SPEG: variants seen among roughly 807,000 people sequenced by gnomAD.
SPEG encodes the protein striated muscle enriched protein kinase, also known as striated muscle preferentially expressed protein kinase.
Under a neutral mutation model 300.4 loss-of-function variants are expected in SPEG, and 114 were observed. The observed-to-expected ratio is 0.38, with a 90% CI of 0.33 to 0.44. SPEG has a LOEUF of 0.44. Ranked by LOEUF, SPEG falls within the 20% of genes least tolerant of loss-of-function variation. The pLI, the probability that SPEG is intolerant of heterozygous loss-of-function variation, is 1.00. For missense variants in SPEG, 4,201 were observed against 4,586.2 expected (o/e 0.92, Z 2.43); for synonymous variants, 1,964 against 2,018.9 (o/e 0.97, Z 0.73).
In SPEG at chr2:219,448,547, G is replaced by A; in HGVS notation, c.1389G>A (p.Val463=). 1 of 1,444,754 alleles carries A rather than the reference G, an allele frequency of 6.9e-7. No homozygotes were observed. The highest frequency in any genetic ancestry group is 1.4e-5 in the South Asian group (1 of 71,762). 89.5% of individuals were successfully genotyped at this position (1,444,754 alleles called of 1,614,324 possible). A position where few individuals can be genotyped will look rare whatever the true frequency, so the allele number is the denominator to read the frequency against. The change falls in exon 4 of 41, where the codon GTG becomes GTA. Residue 463 remains valine, a synonymous_variant. Transcript: ENST00000312358. ...SQEELRAPGS[V]AERRRLFQQK... ...AAGAACTGCGGGCGCCAGGCAGCGT[G>A]GCCGAGCGGCGCCGCCTGTTCCAGC...
intron 11 of SPEG, 42 bp downstream of exon 11, chr2:219,468,778 G>GC: frequency 6.2e-7 from 1 of 1,610,768 alleles, no homozygotes; most frequent in Non-Finnish European, 8.5e-7. Context: ...CCCCCCAAGG[G>GC]CCCAGGCGGC....
chr2:219,449,180 G>A lies in SPEG; in HGVS notation c.2022G>A (p.Pro674=). 3 of 1,395,302 alleles carry A rather than the reference G, an allele frequency of 2.2e-6. No individual in the cohort carries two copies. Among genetic ancestry groups the A allele is most frequent in the South Asian group, 1.6e-5 (1 of 60,902 alleles). The allele number at this position is 1,395,302 out of a possible 1,614,324, so 86.4% of individuals were successfully genotyped here. ...CAGAGAAGAGGCTTCGCAGAGGGCC[G>A]GAGGAGGACGGTCCCTGGGGGCCCT... is the stretch of plus-strand genomic sequence containing the variant. ...PEAEKRLRRG[P]EEDGPWGPWD... The change falls in exon 4 of 41, where the codon CCG becomes CCA. Residue 674 remains proline, a synonymous_variant. Coordinates refer to ENST00000312358, the MANE Select transcript of SPEG (RefSeq NM_005876.5).
Position 219,448,918 on chromosome 2 carries a change from A to G in SPEG, c.1760A>G (p.Gln587Arg), listed in dbSNP as rs1575058829. Residue 587 changes from glutamine (Q) to arginine (R), a missense_variant, in exon 4 of 41, where the codon CAG becomes CGG. This residue lies in a region of SPEG where 1,258 missense variants were observed against 1,293.9 expected (regional missense o/e 0.97). Coordinates refer to ENST00000312358, the MANE Select transcript of SPEG (RefSeq NM_005876.5). The stretch of plus-strand genomic sequence containing the variant: ...AGGACAGAGCCGGGGGAAGGCCCGC[A>G]GCAGGAGGTTAGGCGTCGGGACCAA... ...AGRTEPGEGP[Q>R]QEVRRRDQFP... 7 of 1,475,904 alleles carry G rather than the reference A, an allele frequency of 4.7e-6. No individual in the cohort carries two copies. Among genetic ancestry groups the G allele is most frequent in the Non-Finnish European group, 5.4e-6 (6 of 1,118,780 alleles). 91.4% of individuals were successfully genotyped at this position (1,475,904 alleles called of 1,614,324 possible). A position where few individuals can be genotyped will look rare whatever the true frequency, so the allele number is the denominator to read the frequency against.
Position 219,485,364 on chromosome 2 carries a change from G to C in SPEG, c.7628G>C (p.Ser2543Thr), listed in dbSNP as rs549990640. The change falls in exon 31 of 41, where the codon AGC becomes ACC. Residue 2543 changes from serine to threonine, a missense_variant. By Grantham distance (58) the Ser-to-Thr change is moderately conservative (BLOSUM62 1). Around this residue, in one of 4 missense-constraint regions of SPEG, gnomAD observed 1,578 missense variants for 1,506.0 expected, o/e 1.05. Transcript: ENST00000312358. Reference sequence around the variant, plus strand: ...TTCACAGCCCCAGGGGAAAGCCGAAGCCGGCTCCGCTGGGGCTTCTCTCGG... The same window carrying C: ...TTCACAGCCCCAGGGGAAAGCCGAACCCGGCTCCGCTGGGGCTTCTCTCGG... The part of the protein sequence containing the change: ...SGSSAPGESR[S>T]RLRWGFSRPR... 1.2e-6 allele frequency: 2 copies of C among 1,606,690 alleles called. No homozygotes were observed. The highest frequency in any genetic ancestry group is 2.2e-5 in the South Asian group (2 of 90,372).
intron 1 of SPEG, among the ~76,000 whole-genome samples, 177 bp downstream of exon 1, chr2:219,435,542 G>A (rs928958110): frequency 3.9e-5 from 6 of 152,352 alleles, no homozygotes; most frequent in Non-Finnish European, 8.8e-5. Context: ...TGCAGGGAAT[G>A]GGGTGTCAAG....
Position 219,434,950 on chromosome 2 carries a change from C to A in SPEG, c.-28C>A. Reference sequence around the variant, plus strand: ...TGCCCCCGTGGCCGCCCAGTTCCGGCGTCCCCCCAGCCCAGCTCTCAGTGG... The same window carrying A: ...TGCCCCCGTGGCCGCCCAGTTCCGGAGTCCCCCCAGCCCAGCTCTCAGTGG... On this transcript the variant is annotated 5_prime_UTR_variant, in exon 1 of 41. Transcript: ENST00000312358. 6.8e-7 allele frequency: 1 copy of A among 1,475,604 alleles called. No homozygotes were observed. Among genetic ancestry groups the A allele is most frequent in the Non-Finnish European group, 8.9e-7 (1 of 1,122,246 alleles). The allele number at this position is 1,475,604 out of a possible 1,614,324, so 91.4% of individuals were successfully genotyped here.
At chr2:219,466,486 G>C in intron 9 of SPEG, 1 of 1,150,530 alleles carries the variant, frequency 8.7e-7, no homozygotes, top group Non-Finnish European at 1.1e-6. Flanking sequence ...GTGAGACAGA[G>C]TGGGAGAGAT....
intron 1 of SPEG, chr2:219,441,451 C>G (rs1345901695): frequency 4.3e-6 from 2 of 464,530 alleles, no homozygotes; most frequent in Non-Finnish European, 8.8e-6. Context: ...GGACCCTTGC[C>G]CTGCGTTTGA....
intron 4 of SPEG, chr2:219,450,895 G>C (rs1689693373): frequency 2.4e-6 from 1 of 423,880 alleles, no homozygotes. Flanking sequence ...TGAAGTTGAG[G>C]AACGGCCACA....
chr2:219,466,731 G>C, intron 9 of SPEG: 1 of 1,003,988 alleles, frequency 1.0e-6, no homozygotes, highest in Non-Finnish European at 1.2e-6. Flanking sequence ...GTCAGGGCTG[G>C]GGTGCTCTGT....
chr2:219,477,592 G>A lies in SPEG; in HGVS notation c.4730-97G>A. ...CCCGCCTTGAGCCCCCAACATTCTT[G>A]CACCTCTTCTCTCTTCTTCTTCTGT... On this transcript the variant is annotated intron_variant, in intron 20 of 40. Transcript: ENST00000312358. This position sits in a 1 kb window ranked among gnomAD's most constrained non-coding sequence, Gnocchi z 6.4. 1 of 1,380,362 alleles carries A rather than the reference G, an allele frequency of 7.2e-7. No homozygotes were observed. Among genetic ancestry groups the A allele is most frequent in the Non-Finnish European group, 9.9e-7 (1 of 1,012,898 alleles). 85.5% of individuals were successfully genotyped at this position (1,380,362 alleles called of 1,614,324 possible).
Position 219,489,416 on chromosome 2 carries a change from C to T in SPEG, c.8398C>T (p.Pro2800Ser), listed in dbSNP as rs776744750. ...RPARARPPDSPTSLAPPLAPA... is the reference protein window; with the variant it reads ...RPARARPPDSSTSLAPPLAPA... ...AGCCAGGGCCCGGCCTCCTGACTCT[C>T]CTACCTCACTGGCCCCACCCCTAGC... is the stretch of plus-strand genomic sequence containing the variant. Residue 2800 changes from proline to serine, a missense_variant, in exon 36 of 41, where the codon CCT (proline) becomes TCT (serine). Pro to Ser is a moderately conservative substitution (Grantham distance 74, BLOSUM62 -1). Transcript: ENST00000312358. The T allele has an allele frequency of 5.6e-6, 9 of 1,613,450 alleles. No individual in the cohort carries two copies. Among genetic ancestry groups the T allele is most frequent in the Non-Finnish European group, 7.6e-6 (9 of 1,179,752 alleles).
intron 18 of SPEG, among the ~76,000 whole-genome samples, chr2:219,474,653 A>T (rs1375557470): frequency 1.3e-5 from 2 of 152,200 alleles, no homozygotes; most frequent in Non-Finnish European, 2.9e-5. Context: ...CTCAGATATA[A>T]CAAACATGGG....
In SPEG at chr2:219,488,604, T is replaced by C. The variant is rs1693663110; in HGVS notation, c.7965T>C (p.Tyr2655=). ...PRAGKRHAGL[Y]ECSATNVLGS... ...CGGGCAAGCGGCACGCCGGTCTCTA[T>C]GAGTGCTCGGCCACCAACGTACTGG... The change falls in exon 33 of 41, where the codon TAT becomes TAC. Residue 2655 remains tyrosine, a synonymous_variant. Transcript: ENST00000312358. 2 of 1,612,256 alleles carry C rather than the reference T, an allele frequency of 1.2e-6. No homozygotes were observed. Among genetic ancestry groups the C allele is most frequent in the East Asian group, 4.5e-5 (2 of 44,850 alleles).
chr2:219,445,461 T>G lies in SPEG; in HGVS notation c.815+300T>G. On this transcript the variant is annotated intron_variant, in intron 3 of 40. Coordinates refer to ENST00000312358, the MANE Select transcript of SPEG (RefSeq NM_005876.5). This position sits in a 1 kb window ranked among gnomAD's most constrained non-coding sequence, Gnocchi z 6.1. ...CTCCAGTTTCTCAGGGGCCCTCTTTTGCCTCACCCATTTGGGCTCCAGTTG... is the reference window on the plus strand; with the variant it reads ...CTCCAGTTTCTCAGGGGCCCTCTTTGGCCTCACCCATTTGGGCTCCAGTTG... The G allele has an allele frequency of 2.2e-6, 1 of 460,976 alleles. No homozygotes were observed. 28.6% of individuals were successfully genotyped at this position (460,976 alleles called of 1,614,324 possible).
rs371966193 is a variant in SPEG, at chr2:219,476,910, G to A, written c.4488G>A (p.Val1496=). 6.8e-6 allele frequency: 11 copies of A among 1,613,634 alleles called. No homozygotes were observed. The Admixed American group carries it at 1.3e-4, about 20-fold the overall frequency. ...RFESIMEDVE[V]GAGETARFAV... ...AGTCCATCATGGAGGACGTGGAGGT[G>A]GGGGCTGGGGAAACTGCTCGCTTTG... is the stretch of plus-strand genomic sequence containing the variant. The change falls in exon 19 of 41, where the codon GTG becomes GTA. Residue 1496 remains valine (V), a synonymous_variant. Coordinates refer to ENST00000312358, the MANE Select transcript of SPEG (RefSeq NM_005876.5).
intron 6 of SPEG, chr2:219,460,759 T>A (rs1690606600): frequency 1.0e-6 from 1 of 985,320 alleles, no homozygotes; most frequent in Non-Finnish European, 1.2e-6. Context: ...CCTGCCGGCC[T>A]GCCATCCAAC....
At position 219,435,144 on chromosome 2, in the gene SPEG, C is replaced by T; in HGVS notation, c.167C>T (p.Ala56Val). 2 of 1,459,472 alleles carry T rather than the reference C, an allele frequency of 1.4e-6. No individual in the cohort carries two copies. The highest frequency in any genetic ancestry group is 1.8e-6 in the Non-Finnish European group (2 of 1,116,240). 90.4% of individuals were successfully genotyped at this position (1,459,472 alleles called of 1,614,324 possible). A position where few individuals can be genotyped will look rare whatever the true frequency, so the allele number is the denominator to read the frequency against. The change falls in exon 1 of 41, where the codon GCG (alanine) becomes GTG (valine). Residue 56 changes from alanine (A) to valine (V), a missense_variant. Ala to Val is a moderately conservative substitution (Grantham distance 64). Transcript: ENST00000312358. ...LRPLKNAAVC[A>V]GSDVRLRVVV... ...CCCCTGAAGAACGCGGCGGTGTGCG[C>T]GGGCAGCGACGTGCGGCTGCGGGTG...
chr2:219,488,011 T>A (rs1421572691), intron 31 of SPEG, among the ~76,000 whole-genome samples, 183 bp from the exon 32 acceptor site: 1 of 152,176 alleles, frequency 6.6e-6, no homozygotes, highest in African/African-American at 2.4e-5. Flanking sequence ...GGGAAAGTGA[T>A]GCTTGCCCCA....
Sources: allele counts gnomAD v4.1 joint callset (sites outside exome capture counted in the v4.1 genomes callset), GRCh38; gene constraint gnomAD v4.1.1; regional missense constraint gnomAD v4.1.1; non-coding constraint Gnocchi (gnomAD v3.1); transcripts MANE v1.5; gene names NCBI Gene and HGNC (gene_info 2026-07-23, HGNC 2026-07-21).